Variants in SERINC1 observed in about 807,000 individuals in gnomAD.
SERINC1 encodes tumor differentially expressed protein 2.
In SERINC1, 38 loss-of-function variants were observed where a neutral mutation model predicts 52.9. The observed-to-expected ratio is 0.72, with a 90% CI of 0.55 to 0.94. The LOEUF (loss-of-function observed/expected upper bound fraction) is 0.94. Ranked by LOEUF, SERINC1 falls within the 40% of genes least tolerant of loss-of-function variation. The probability of loss-of-function intolerance (pLI) is 0.00; values close to 1 mark genes in which losing one functional copy is unlikely to be tolerated. For missense variants in SERINC1, 471 were observed against 533.9 expected, an observed-to-expected ratio of 0.88 and a Z score of 1.16; for synonymous variants, 198 against 183.1, an observed-to-expected ratio of 1.08 and a Z score of -0.66.
intron 1 of SERINC1, among the ~76,000 whole-genome samples, chr6:122,467,017 T>C (rs1775202149): frequency 6.6e-6 from 1 of 152,212 alleles, no homozygotes; most frequent in South Asian, 2.1e-4. Flanking sequence ...TAGACTTCTA[T>C]GACCAAAGTG....
At chr6:122,448,345 C>T (rs544025235) in intron 7 of SERINC1, among the ~76,000 whole-genome samples, 16 of 151,852 alleles carry the variant, frequency 1.1e-4, no homozygotes, top group South Asian at 6.2e-4. Context: ...AACAAAAAAA[C>T]AAAAAATAAA....
intron 1 of SERINC1, among the ~76,000 whole-genome samples, chr6:122,465,228 A>C (rs1184083231): frequency 6.6e-6 from 1 of 152,140 alleles, no homozygotes; most frequent in Non-Finnish European, 1.5e-5. Context: ...ATTTGGCAGA[A>C]TCCCCAAATA....
intron 6 of SERINC1, 22 bp from the exon 7 acceptor site, chr6:122,451,776 A>AAAAATATATAT: frequency 1.6e-4 from 18 of 113,036 alleles, no homozygotes; most frequent in East Asian, 3.4e-4. Context: ...AAAAAAAAAA[A>AAAAATATATAT]ATATATATAT....
At chr6:122,458,410 T>C (rs1775038513) in intron 2 of SERINC1, 110 bp downstream of exon 2, 2 of 653,178 alleles carry the variant, frequency 3.1e-6, no homozygotes, top group East Asian at 5.6e-5. Flanking sequence ...TAGGATTACA[T>C]ACTGTCTTAT....
At chr6:122,469,811 T>A (rs1432509500) in intron 1 of SERINC1, among the ~76,000 whole-genome samples, 1 of 152,058 alleles carries the variant, frequency 6.6e-6, no homozygotes, top group African/African-American at 2.4e-5. Flanking sequence ...ATCCACCTCA[T>A]CCTCCCAAGT....
intron 1 of SERINC1, among the ~76,000 whole-genome samples, chr6:122,469,506 G>T (rs556429385): frequency 1.3e-4 from 20 of 151,428 alleles, no homozygotes; most frequent in Non-Finnish European, 2.7e-4. Flanking sequence ...CCACCCGAGT[G>T]GGATTACAGG....
chr6:122,469,591 C>G (rs1405079862), intron 1 of SERINC1, among the ~76,000 whole-genome samples: 1 of 152,084 alleles, frequency 6.6e-6, no homozygotes, highest in Non-Finnish European at 1.5e-5. Flanking sequence ...GAGTCTTGCT[C>G]TGTTGCCCAG....
At chr6:122,450,620 C>T (rs1320780312) in intron 7 of SERINC1, among the ~76,000 whole-genome samples, 2 of 152,068 alleles carry the variant, frequency 1.3e-5, no homozygotes, top group Non-Finnish European at 2.9e-5. Flanking sequence ...AAACTGAAAA[C>T]CTTCTGGAAA....
At chr6:122,453,245 G>T (rs1774942607) in intron 5 of SERINC1, among the ~76,000 whole-genome samples, 1 of 152,098 alleles carries the variant, frequency 6.6e-6, no homozygotes, top group African/African-American at 2.4e-5. Flanking sequence ...TAACCCCAAA[G>T]GACTCAACAT....
rs751011270 is a variant in SERINC1, at chr6:122,453,786, C to T, written c.573G>A (p.Ser191=). 12 of 1,605,360 alleles carry T rather than the reference C, an allele frequency of 7.5e-6. No homozygotes were observed. The highest frequency in any genetic ancestry group is 3.4e-5 in the Admixed American group (2 of 59,584). The change falls in exon 5 of 10, where the codon TCG becomes TCA. Residue 191 remains serine, a synonymous_variant. Transcript: ENST00000339697. ...SWVEKMEEGN[S]RCWYAALLSA... ...AAAGCTTACCTGCATACCAACATCT[C>T]GAGTTCCCTTCTTCCATTTTTTCAA...
At chr6:122,460,317 C>A (rs752801008) in intron 1 of SERINC1, among the ~76,000 whole-genome samples, 1 of 152,142 alleles carries the variant, frequency 6.6e-6, no homozygotes, top group South Asian at 2.1e-4. Context: ...TCAGGTGATC[C>A]GCCTACCTCG....
rs1216111175 is a variant in SERINC1, at chr6:122,471,474, C to T, written c.39+225G>A. The stretch of plus-strand genomic sequence containing the variant: ...CTCTTCCTCAATTTGAGTCATCTTC[C>T]CATCGCCACTAAACCTTACGGCCAG... On this transcript the variant is annotated intron_variant, in intron 1 of 9. Transcript: ENST00000339697. Among the ~76,000 whole-genome samples, 3 of 152,156 alleles carry T rather than the reference C, an allele frequency of 2.0e-5. No homozygotes were observed. The East Asian group carries it at 5.8e-4, about 29-fold the overall frequency.
chr6:122,451,647 A>G lies in SERINC1; in HGVS notation c.850+17T>C. ...ACTGCAGAACCTTTAGGAACATGTAATATAAATAAAACACACCTGGTTCAT... is the reference window on the plus strand; with the variant it reads ...ACTGCAGAACCTTTAGGAACATGTAGTATAAATAAAACACACCTGGTTCAT... On this transcript the variant is annotated intron_variant, in intron 7 of 9. Coordinates refer to ENST00000339697, the MANE Select transcript of SERINC1 (RefSeq NM_020755.4). 1 of 930,114 alleles carries G rather than the reference A, an allele frequency of 1.1e-6. No individual in the cohort carries two copies. Among genetic ancestry groups the G allele is most frequent in the African/African-American group, 1.7e-5 (1 of 58,316 alleles). 57.6% of individuals were successfully genotyped at this position (930,114 alleles called of 1,614,324 possible). A position where few individuals can be genotyped will look rare whatever the true frequency, so the allele number is the denominator to read the frequency against.
intron 3 of SERINC1, 131 bp downstream of exon 3, chr6:122,456,350 T>C: frequency 2.0e-6 from 1 of 506,272 alleles, no homozygotes; most frequent in Non-Finnish European, 3.3e-6. Context: ...TTTCTTATCC[T>C]GTCATTCATG....
intron 1 of SERINC1, among the ~76,000 whole-genome samples, chr6:122,460,326 C>T (rs1775079770): frequency 6.6e-6 from 1 of 152,162 alleles, no homozygotes; most frequent in African/African-American, 2.4e-5. Flanking sequence ...CCGCCTACCT[C>T]GGCCTCCCAA....
At chr6:122,454,032 G>T in intron 4 of SERINC1, 119 bp downstream of exon 4, 1 of 1,182,614 alleles carries the variant, frequency 8.5e-7, no homozygotes, top group Non-Finnish European at 1.2e-6. Context: ...TGCCAACTGG[G>T]GAAACACACA....
At chr6:122,462,274 G>T (rs1481731046) in intron 1 of SERINC1, among the ~76,000 whole-genome samples, 1 of 152,104 alleles carries the variant, frequency 6.6e-6, no homozygotes, top group Non-Finnish European at 1.5e-5. Context: ...CATAATTAAT[G>T]ACGAAAGTCT....
At chr6:122,470,559 T>C (rs1431449844) in intron 1 of SERINC1, among the ~76,000 whole-genome samples, 1 of 152,190 alleles carries the variant, frequency 6.6e-6, no homozygotes, top group Non-Finnish European at 1.5e-5. Context: ...AATTAAACTC[T>C]CTAATATCTT....
rs1007947913 is a variant in SERINC1 at position 122,446,142 on chromosome 6, CA to C, written c.1226+631del. Among the ~76,000 whole-genome samples, 6 of 151,646 alleles carry C rather than the reference CA, an allele frequency of 4.0e-5. No homozygotes were observed. The South Asian group carries it at 1.2e-3, about 32-fold the overall frequency. On this transcript the variant is annotated intron_variant, in intron 9 of 9. Coordinates refer to ENST00000339697, the MANE Select transcript of SERINC1 (RefSeq NM_020755.4). ...ACATAGTTCAATTTGAATCTTTGACCAAATCTTTCAGTAATCATTTGGACAA... is the reference window on the plus strand; with the variant it reads ...ACATAGTTCAATTTGAATCTTTGACCAATCTTTCAGTAATCATTTGGACAA...
Sources: allele counts gnomAD v4.1 joint callset (sites outside exome capture counted in the v4.1 genomes callset), GRCh38; gene constraint gnomAD v4.1.1; transcripts MANE v1.5; gene names NCBI Gene and HGNC (gene_info 2026-07-23, HGNC 2026-07-21).